The following CEP290 variants were observed in gnomAD, a reference collection of about 807,000 sequenced individuals.
CEP290 encodes centrosomal protein of 290 kDa.
In CEP290, 317 loss-of-function variants were observed where a neutral mutation model predicts 344.9. The observed-to-expected ratio is 0.92, with a 90% confidence interval of 0.84 to 1.01. The LOEUF (loss-of-function observed/expected upper bound fraction) is 1.01, where lower values mean the gene tolerates loss of function less well. Ranked by LOEUF, CEP290 falls within the 50% of genes least tolerant of loss-of-function variation. The pLI is 0.00. For synonymous variants in CEP290, 932 were observed against 895.8 expected, an observed-to-expected ratio of 1.04 and a Z score of -0.72; for missense variants, 2,754 against 2,761.4, an observed-to-expected ratio of 1.00 and a Z score of 0.06.
intron 41 of CEP290, among the ~76,000 whole-genome samples, chr12:88,076,618 G>T (rs75350047): frequency 6.3e-4 from 19 of 30,366 alleles, no homozygotes; most frequent in Admixed American, 2.3e-3. Context: ...AGTTTTTTTT[G>T]GGGTTATTTC....
chr12:88,098,588 G>A (rs1252859634), intron 26 of CEP290, among the ~76,000 whole-genome samples: 1 of 151,950 alleles, frequency 6.6e-6, no homozygotes, highest in Non-Finnish European at 1.5e-5. Context: ...CTCGAGCCTG[G>A]GCAACAGTGA....
chr12:88,100,491 C>T (rs2037789953), intron 26 of CEP290, among the ~76,000 whole-genome samples: 1 of 152,102 alleles, frequency 6.6e-6, no homozygotes, highest in South Asian at 2.1e-4. Flanking sequence ...ACAATAATTT[C>T]CTAAGCACCA....
rs1235672330 is a variant in CEP290, at chr12:88,054,334, A to T, written c.7034+6T>A. The T allele has an allele frequency of 2.5e-5, 40 of 1,581,596 alleles. No individual in the cohort carries two copies. The highest frequency in any genetic ancestry group is 3.2e-5 in the Non-Finnish European group (37 of 1,160,090). On this transcript the variant is annotated splice_donor_region_variant and intron_variant, in intron 51 of 53. Coordinates refer to ENST00000552810, the MANE Select transcript of CEP290 (RefSeq NM_025114.4). ...AACAAAGTAGTCATATGAATACATGATGTACCTAAGAACTTGAAGCTCCCG... is the reference window on the plus strand; with the variant it reads ...AACAAAGTAGTCATATGAATACATGTTGTACCTAAGAACTTGAAGCTCCCG...
In CEP290 at chr12:88,125,291, T is replaced by C; in HGVS notation, c.1144A>G (p.Thr382Ala). 1 of 1,122,598 alleles carries C rather than the reference T, an allele frequency of 8.9e-7. No individual in the cohort carries two copies. The highest frequency in any genetic ancestry group is 2.4e-5 in the South Asian group (1 of 41,850). The allele number at this position is 1,122,598 out of a possible 1,614,324, so 69.5% of individuals were successfully genotyped here. A position where few individuals can be genotyped will look rare whatever the true frequency, so the allele number is the denominator to read the frequency against. ...EQYTKEMEKN[T>A]CIIEDLKNEL... is the part of the protein sequence containing the mutation. ...TTTTTCAAATCTTCAATAATACAAG[T>C]ATTCTTTTCCATTTCTTTTGTATAT... Residue 382 changes from threonine to alanine, a missense_variant, in exon 13 of 54, where the codon ACT becomes GCT. Coordinates refer to ENST00000552810, the MANE Select transcript of CEP290 (RefSeq NM_025114.4).
Position 88,130,323 on chromosome 12 carries a change from C to CGG in CEP290, c.612_613dup (p.Arg205ProfsTer22). On this transcript the variant is annotated frameshift_variant, in exon 9 of 54. Coordinates refer to ENST00000552810, the MANE Select transcript of CEP290 (RefSeq NM_025114.4). LOFTEE classifies it high-confidence loss of function. ...ATAGTTTTTTTTAGACAACTGTGAT[C>CGG]GGTAGTCACTGTCTTCCCCTCTTCT... The CGG allele has an allele frequency of 6.2e-7, 1 of 1,607,776 alleles. No individual in the cohort carries two copies. The highest frequency in any genetic ancestry group is 8.5e-7 in the Non-Finnish European group (1 of 1,177,752).
intron 26 of CEP290, 22 bp from the exon 27 acceptor site, chr12:88,097,021 C>T (rs1360443901): frequency 8.5e-7 from 1 of 1,183,358 alleles, no homozygotes; most frequent in Non-Finnish European, 1.2e-6. Context: ...AAAAATATCA[C>T]TAAGAAACTA....
At chr12:88,063,549 T>C (rs978657816) in intron 45 of CEP290, among the ~76,000 whole-genome samples, 5 of 152,074 alleles carry the variant, frequency 3.3e-5, no homozygotes, top group African/African-American at 1.2e-4. Context: ...TCACTTCCTT[T>C]ACCCCTCCTT....
intron 20 of CEP290, among the ~76,000 whole-genome samples, chr12:88,114,116 T>G (rs1385036193): frequency 6.6e-6 from 1 of 151,154 alleles, no homozygotes; most frequent in African/African-American, 2.4e-5. Flanking sequence ...AAGAAAAGAG[T>G]CAGCAAAAAC....
At chr12:88,125,955 T>C (rs944960687) in intron 12 of CEP290, among the ~76,000 whole-genome samples, 31 of 152,012 alleles carry the variant, frequency 2.0e-4, no homozygotes, top group African/African-American at 6.8e-4. Context: ...TTGTATAGGG[T>C]ATGTTAGGAC....
intron 20 of CEP290, among the ~76,000 whole-genome samples, chr12:88,113,564 T>A (rs2038842381): frequency 6.6e-6 from 1 of 151,986 alleles, no homozygotes; most frequent in East Asian, 1.9e-4. Flanking sequence ...TAATAAGAAT[T>A]TTTTTCCCAT....
chr12:88,115,424 G>A, intron 18 of CEP290: 1 of 1,165,800 alleles, frequency 8.6e-7, no homozygotes, highest in Non-Finnish European at 1.2e-6. Context: ...AGATATAACG[G>A]TTTTTGTCTT....
chr12:88,093,805 C>G lies in CEP290; in HGVS notation c.3274G>C (p.Glu1092Gln), dbSNP rs745557499. The G allele has an allele frequency of 6.2e-6, 10 of 1,611,508 alleles. No individual in the cohort carries two copies. The South Asian group carries it at 1.1e-4, about 18-fold the overall frequency. ...HLRTSLKQME[E>Q]RNFELETKFA... ...TTGGTTTCCAATTCAAAATTACGTT[C>G]CTCCATTTGCTTTAACGAAGTCCGT... Residue 1092 changes from glutamate (E) to glutamine (Q), a missense_variant, in exon 28 of 54, where the codon GAA becomes CAA. Transcript: ENST00000552810.
In CEP290 at chr12:88,120,225, G is replaced by T; in HGVS notation, c.1411C>A (p.Gln471Lys). 6.7e-7 allele frequency: 1 copy of T among 1,502,434 alleles called. No individual in the cohort carries two copies. Among genetic ancestry groups the T allele is most frequent in the Admixed American group, 2.2e-5 (1 of 45,902 alleles). The allele number at this position is 1,502,434 out of a possible 1,614,324, so 93.1% of individuals were successfully genotyped here. A position where few individuals can be genotyped will look rare whatever the true frequency, so the allele number is the denominator to read the frequency against. Reference sequence around the variant, plus strand: ...ATCTCTCGATCTCTTATTTTAATTTGGTTTTTACAATTCTTTATTTCAACG... The same window carrying T: ...ATCTCTCGATCTCTTATTTTAATTTTGTTTTTACAATTCTTTATTTCAACG... The part of the protein sequence containing the change: ...AVVEIKNCKN[Q>K]IKIRDREIEI... Residue 471 changes from glutamine (Q) to lysine (K), a missense_variant, in exon 15 of 54, where the codon CAA (glutamine) becomes AAA (lysine). By Grantham distance (53) the Gln-to-Lys change is moderately conservative. Coordinates refer to ENST00000552810, the MANE Select transcript of CEP290 (RefSeq NM_025114.4).
intron 48 of CEP290, among the ~76,000 whole-genome samples, chr12:88,059,520 G>T (rs2034291561): frequency 6.6e-6 from 1 of 152,130 alleles, no homozygotes; most frequent in Admixed American, 6.6e-5. Context: ...CGATTCTCCT[G>T]CCTCAGCTTC....
At chr12:88,077,609 A>G in intron 40 of CEP290, 88 bp downstream of exon 40, 1 of 860,816 alleles carries the variant, frequency 1.2e-6, no homozygotes, top group South Asian at 1.7e-5. Flanking sequence ...CAGTTTTAAC[A>G]AATACCATAG....
chr12:88,099,700 T>TA (rs1458422652), intron 26 of CEP290, among the ~76,000 whole-genome samples: 9 of 152,198 alleles, frequency 5.9e-5, no homozygotes, highest in African/African-American at 2.2e-4. Flanking sequence ...TAATAATATA[T>TA]TTTTTAAGTA....
intron 4 of CEP290, 133 bp downstream of exon 4, chr12:88,139,359 TTTA>T (rs2040512114): frequency 3.8e-6 from 2 of 530,270 alleles, no homozygotes; most frequent in South Asian, 6.4e-5. Flanking sequence ...TCTAGAAATA[TTTA>T]TTATTAAATG....
intron 22 of CEP290, among the ~76,000 whole-genome samples, chr12:88,109,749 G>T (rs1176161231): frequency 6.6e-6 from 1 of 152,034 alleles, no homozygotes; most frequent in Non-Finnish European, 1.5e-5. Context: ...CTAAGTACCT[G>T]TTTTGCCACT....
chr12:88,134,141 C>T (rs1294954224), intron 6 of CEP290, among the ~76,000 whole-genome samples: 1 of 152,156 alleles, frequency 6.6e-6, no homozygotes. Context: ...GAACCTCAAA[C>T]TCAACATCTA....
Sources: allele counts gnomAD v4.1 joint callset (sites outside exome capture counted in the v4.1 genomes callset), GRCh38; gene constraint gnomAD v4.1.1; transcripts MANE v1.5; gene names NCBI Gene and HGNC (gene_info 2026-07-23, HGNC 2026-07-21).